COL5A2: variants seen among roughly 807,000 people sequenced by gnomAD.
COL5A2 encodes the protein collagen alpha-2(V) chain.
In COL5A2, 23 loss-of-function variants were observed where a neutral mutation model predicts 208.2. That is an observed-to-expected ratio of 0.11 (90% confidence interval 0.08 to 0.16). The LOEUF (loss-of-function observed/expected upper bound fraction) is 0.16, where lower values mean the gene tolerates loss of function less well. Ranked by LOEUF, COL5A2 falls within the 10% of genes least tolerant of loss-of-function variation. The probability of loss-of-function intolerance (pLI) is 1.00; values close to 1 mark genes in which losing one functional copy is unlikely to be tolerated. For synonymous variants in COL5A2, 625 were observed against 628.5 expected, an observed-to-expected ratio of 0.99 and a Z score of 0.08; for missense variants, 1,590 against 1,956.4, an observed-to-expected ratio of 0.81 and a Z score of 3.53.
intron 1 of COL5A2, among the ~76,000 whole-genome samples, chr2:189,206,254 A>C (rs1272990808): frequency 6.6e-6 from 1 of 152,206 alleles, no homozygotes; most frequent in Non-Finnish European, 1.5e-5. Flanking sequence ...GCCAAGACTG[A>C]ACCAACCATA....
At chr2:189,212,638 CAA>C (rs56171271) in intron 1 of COL5A2, among the ~76,000 whole-genome samples, 6 of 129,224 alleles carry the variant, frequency 4.6e-5, no homozygotes, top group South Asian at 2.5e-4. Flanking sequence ...GACTCAGTCT[CAA>C]AAAAAAAAAA....
At chr2:189,390,542 G>C in the COL5A2 span, among the ~76,000 whole-genome samples, 2 of 152,118 alleles carry the variant, frequency 1.3e-5, no homozygotes, top group African/African-American at 4.8e-5. Context: ...AGGCTTATTA[G>C]GGTTGAGATG....
Position 189,045,207 on chromosome 2 carries a change from G to C in COL5A2, c.3335C>G (p.Pro1112Arg), listed in dbSNP as rs1267550005. 9 of 1,607,210 alleles carry C rather than the reference G, an allele frequency of 5.6e-6. No homozygotes were observed. The change falls in exon 47 of 54, where the codon CCT (proline) becomes CGT (arginine). Residue 1112 changes from proline (P) to arginine (R), a missense_variant. By Grantham distance (103) the Pro-to-Arg change is moderately radical. Transcript: ENST00000374866. ...DPGSRGPIGP[P>R]GRAGKRGLPG... ...TAATCCACGTTTCCCAGCTCGACCAGGTGGTCCTATAGGACCCCGAGAACC... is the reference window on the plus strand; with the variant it reads ...TAATCCACGTTTCCCAGCTCGACCACGTGGTCCTATAGGACCCCGAGAACC...
chr2:189,162,114 G>A (rs1048652997), intron 1 of COL5A2, among the ~76,000 whole-genome samples: 9 of 152,184 alleles, frequency 5.9e-5, no homozygotes, highest in Admixed American at 3.3e-4. Context: ...ATGTGGGAGG[G>A]AAGTCTTCTG....
At chr2:189,058,256 T>C (rs1685944005) in intron 33 of COL5A2, among the ~76,000 whole-genome samples, 173 bp downstream of exon 33, 1 of 152,224 alleles carries the variant, frequency 6.6e-6, no homozygotes. Context: ...TAGCTGACAC[T>C]TTAGTTGCAA....
intron 1 of COL5A2, among the ~76,000 whole-genome samples, chr2:189,155,230 C>T (rs774616677): frequency 1.3e-5 from 2 of 152,194 alleles, no homozygotes; most frequent in Non-Finnish European, 2.9e-5. Context: ...TCAAGCTATC[C>T]TTCAACTTTG....
intron 1 of COL5A2, among the ~76,000 whole-genome samples, chr2:189,155,477 A>T (rs1040700387): frequency 6.6e-6 from 1 of 152,184 alleles, no homozygotes; most frequent in Non-Finnish European, 1.5e-5. Flanking sequence ...ACAAGTTTCT[A>T]TGATGATAGC....
chr2:189,226,944 A>G (rs1358455899), upstream of COL5A2, among the ~76,000 whole-genome samples: 2 of 152,162 alleles, frequency 1.3e-5, no homozygotes, highest in Non-Finnish European at 2.9e-5. Context: ...CAGAGGGCCC[A>G]CCATAGGATG....
chr2:189,104,184 G>A (rs963533133), intron 3 of COL5A2, 80 bp downstream of exon 3: 14 of 1,042,658 alleles, frequency 1.3e-5, no homozygotes, highest in South Asian at 3.8e-5. Context: ...GCTTTCAAAC[G>A]TTTCAGAGCA....
intron 1 of COL5A2, among the ~76,000 whole-genome samples, chr2:189,116,501 T>G (rs1419118418): frequency 6.6e-6 from 1 of 152,196 alleles, no homozygotes; most frequent in Non-Finnish European, 1.5e-5. Context: ...GTTAGATACA[T>G]ATGAAGCCAC....
chr2:189,368,888 GA>G, the COL5A2 span, among the ~76,000 whole-genome samples: 1 of 152,046 alleles, frequency 6.6e-6, no homozygotes, highest in Admixed American at 6.5e-5. Flanking sequence ...TGATCATAAA[GA>G]AAAAAGGAAA....
rs1685391654 is a variant in COL5A2 at position 189,034,043 on chromosome 2, C to T, written c.*27G>A. The stretch of plus-strand genomic sequence containing the variant: ...ATGGCGGTGGTCATTGATGGTGGTG[C>T]TCATTGTCGATGTGTCTTGGCTTAC... On this transcript the variant is annotated 3_prime_UTR_variant, in exon 54 of 54. Coordinates refer to ENST00000374866, the MANE Select transcript of COL5A2 (RefSeq NM_000393.5). 6.2e-7 allele frequency: 1 copy of T among 1,613,514 alleles called. No individual in the cohort carries two copies. Among genetic ancestry groups the T allele is most frequent in the African/African-American group, 1.3e-5 (1 of 74,870 alleles).
chr2:189,092,765 C>A (rs572137254), intron 6 of COL5A2, among the ~76,000 whole-genome samples: 50 of 152,286 alleles, frequency 3.3e-4, no homozygotes, highest in African/African-American at 1.2e-3. Context: ...ATTTGATCAA[C>A]AATTATAAAT....
intron 1 of COL5A2, 90 bp from the exon 2 acceptor site, chr2:189,110,539 T>A: frequency 8.1e-7 from 1 of 1,230,042 alleles, no homozygotes; most frequent in Non-Finnish European, 1.2e-6. Flanking sequence ...TTCTAAAAAA[T>A]TCTGGACTAA....
At chr2:189,368,050 C>A in the COL5A2 span, among the ~76,000 whole-genome samples, 1 of 152,160 alleles carries the variant, frequency 6.6e-6, no homozygotes, top group Non-Finnish European at 1.5e-5. Flanking sequence ...CCCTTATCCC[C>A]ATTTTTATTA....
chr2:189,323,557 A>C, the COL5A2 span, among the ~76,000 whole-genome samples: 4 of 152,166 alleles, frequency 2.6e-5, no homozygotes, highest in Admixed American at 2.6e-4. Flanking sequence ...ATCATGAGTG[A>C]ACTCCCATTC....
At chr2:189,220,303 C>G (rs1689332780) in intron 1 of COL5A2, among the ~76,000 whole-genome samples, 3 of 151,988 alleles carry the variant, frequency 2.0e-5, no homozygotes, top group Admixed American at 1.3e-4. Context: ...CCCAATTTTC[C>G]CCTTCTTCAT....
chr2:189,263,307 G>A, the COL5A2 span, among the ~76,000 whole-genome samples: 1 of 152,084 alleles, frequency 6.6e-6, no homozygotes, highest in Non-Finnish European at 1.5e-5. Context: ...GATGTAAGGT[G>A]GGACATGAAG....
intron 41 of COL5A2, 119 bp downstream of exon 41, chr2:189,052,053 T>A: frequency 1.3e-6 from 1 of 775,766 alleles, no homozygotes; most frequent in Admixed American, 2.8e-5. Context: ...GGAATAAGAG[T>A]TGTTAAATAA....
Sources: allele counts gnomAD v4.1 joint callset (sites outside exome capture counted in the v4.1 genomes callset), GRCh38; gene constraint gnomAD v4.1.1; transcripts MANE v1.5; gene names NCBI Gene and HGNC (gene_info 2026-07-23, HGNC 2026-07-21).